The following THSD7A variants were observed in gnomAD, a reference collection of about 807,000 sequenced individuals.
THSD7A encodes the protein thrombospondin type-1 domain-containing protein 7A.
In THSD7A, 96 loss-of-function variants were observed where a neutral mutation model predicts 231.3. The observed-to-expected ratio is 0.41, with a 90% CI of 0.35 to 0.49. The LOEUF is 0.49. Ranked by LOEUF, THSD7A falls within the 20% of genes least tolerant of loss-of-function variation. THSD7A has a pLI of 0.05. For synonymous variants in THSD7A, 940 were observed against 743.3 expected (o/e 1.26, Z -4.30); for missense variants, 2,290 against 2,070.2 (o/e 1.11, Z -2.06).
At chr7:11,784,776 A>G (rs1331046211) in intron 1 of THSD7A, among the ~76,000 whole-genome samples, 10 of 152,098 alleles carry the variant, frequency 6.6e-5, no homozygotes, top group Non-Finnish European at 4.4e-5. Flanking sequence ...CATCTTAGTC[A>G]TGGGAAATTT....
chr7:11,639,623 G>A lies in THSD7A; in HGVS notation c.191-2662C>T, dbSNP rs568798703. 1.4e-4 allele frequency among the ~76,000 whole-genome samples: 21 copies of A among 151,952 alleles called. 1 individual carries two copies. Among genetic ancestry groups the A allele is most frequent in the African/African-American group, 3.1e-4 (13 of 41,424 alleles). On this transcript the variant is annotated intron_variant, in intron 1 of 27. Coordinates refer to ENST00000423059, the MANE Select transcript of THSD7A (RefSeq NM_015204.3). ...GTGGAGGTTGCAGTGAGCCGAGATG[G>A]CACCACTGCACTCCAGCCTGGGCAA...
intron 14 of THSD7A, 54 bp downstream of exon 14, chr7:11,428,893 T>C: frequency 6.5e-7 from 1 of 1,533,846 alleles, no homozygotes; most frequent in South Asian, 1.3e-5. Context: ...GGAGAAAAAA[T>C]CAGATCATTG....
intron 19 of THSD7A, among the ~76,000 whole-genome samples, chr7:11,408,546 G>A (rs114539727): frequency 0.017 from 2,518 of 151,696 alleles, 80 homozygotes; most frequent in African/African-American, 0.057. Context: ...ATAGGAAAAT[G>A]TAAGAGCTTG....
At chr7:11,773,579 A>G (rs1282529515) in intron 1 of THSD7A, among the ~76,000 whole-genome samples, 1 of 152,182 alleles carries the variant, frequency 6.6e-6, no homozygotes, top group Non-Finnish European at 1.5e-5. Context: ...ATTAATAATT[A>G]TGGTGGACAG....
chr7:11,475,935 C>CTT (rs553018024), intron 7 of THSD7A, among the ~76,000 whole-genome samples: 87 of 110,750 alleles, frequency 7.9e-4, no homozygotes, highest in African/African-American at 1.9e-3. Context: ...AAATACTTTC[C>CTT]TTTTTTTTTT....
intron 1 of THSD7A, among the ~76,000 whole-genome samples, chr7:11,761,195 C>T (rs1207307927): frequency 6.6e-6 from 1 of 151,730 alleles, no homozygotes; most frequent in African/African-American, 2.4e-5. Flanking sequence ...AAAGCAAATT[C>T]ATTTTGAAAT....
intron 1 of THSD7A, among the ~76,000 whole-genome samples, chr7:11,674,116 G>T (rs925892110): frequency 6.6e-6 from 1 of 151,974 alleles, no homozygotes; most frequent in Admixed American, 6.6e-5. Flanking sequence ...AGGTAGGGGA[G>T]AGTGAGGCCC....
At chr7:11,739,393 A>C (rs1225731268) in intron 1 of THSD7A, among the ~76,000 whole-genome samples, 1 of 151,988 alleles carries the variant, frequency 6.6e-6, no homozygotes, top group Non-Finnish European at 1.5e-5. Flanking sequence ...AATAGACTAA[A>C]ATAAAGAAAA....
rs534827179 is a variant in THSD7A at position 11,497,794 on chromosome 7, C to A, written c.1823-15812G>T. ...CTTGCATTGGGATTAATCAAGGAAA[C>A]AACCTGACTCACAGAGAGGGAAGAA... On this transcript the variant is annotated intron_variant, in intron 6 of 27. Transcript: ENST00000423059. 1.6e-4 allele frequency among the ~76,000 whole-genome samples: 25 copies of A among 152,168 alleles called. 1 individual carries two copies. The South Asian group carries it at 4.8e-3, about 29-fold the overall frequency.
At chr7:11,385,878 C>A (rs1782720302) in intron 23 of THSD7A, among the ~76,000 whole-genome samples, 1 of 151,980 alleles carries the variant, frequency 6.6e-6, no homozygotes. Context: ...TTACCTCCAC[C>A]CCCTCACAGG....
At position 11,406,181 on chromosome 7, in the gene THSD7A, A is replaced by T. The variant is rs141305645; in HGVS notation, c.4237+119T>A. On this transcript the variant is annotated intron_variant, in intron 22 of 27. Transcript: ENST00000423059. The surrounding 1 kb of genome is among the most constrained non-coding windows in gnomAD (Gnocchi z 4.7). ...GCATAGTGTTGAGCTGTTGGCATAGATATTACTGAATAAGAAGACTGTTGA... is the reference window on the plus strand; with the variant it reads ...GCATAGTGTTGAGCTGTTGGCATAGTTATTACTGAATAAGAAGACTGTTGA... 4.2e-4 allele frequency: 429 copies of T among 1,025,306 alleles called. 2 individuals are homozygous for T. In the African/African-American group the frequency reaches 5.3e-3, roughly 13 times the overall value. The allele number at this position is 1,025,306 out of a possible 1,614,324, so 63.5% of individuals were successfully genotyped here.
intron 23 of THSD7A, chr7:11,385,705 T>A (rs1782711968): frequency 6.6e-6 from 1 of 152,174 alleles, no homozygotes; most frequent in African/African-American, 2.4e-5. Context: ...TTTTGACATC[T>A]ACTTTCATAA....
chr7:11,454,115 T>C (rs1785228991), intron 11 of THSD7A, among the ~76,000 whole-genome samples: 1 of 151,980 alleles, frequency 6.6e-6, no homozygotes, highest in African/African-American at 2.4e-5. Flanking sequence ...TAAAATGAAA[T>C]ATGGCCATAC....
At chr7:11,641,959 T>C (rs923885536) in intron 1 of THSD7A, among the ~76,000 whole-genome samples, 1 of 151,938 alleles carries the variant, frequency 6.6e-6, no homozygotes, top group Non-Finnish European at 1.5e-5. Flanking sequence ...CAAGTACACA[T>C]TGAAAAGAGA....
chr7:11,750,667 C>G lies in THSD7A; in HGVS notation c.190+81090G>C, dbSNP rs993053967. Among the ~76,000 whole-genome samples, 8 of 151,940 alleles carry G rather than the reference C, an allele frequency of 5.3e-5. No homozygotes were observed. In the South Asian group the frequency reaches 1.5e-3, roughly 28 times the overall value. On this transcript the variant is annotated intron_variant, in intron 1 of 27. Transcript: ENST00000423059. ...CTGCACGGGGACTACTGGATGGCCTCAAACTTATATGGCCAGTCTCTACTC... is the reference window on the plus strand; with the variant it reads ...CTGCACGGGGACTACTGGATGGCCTGAAACTTATATGGCCAGTCTCTACTC...
chr7:11,797,543 A>T (rs1784161399), intron 1 of THSD7A, among the ~76,000 whole-genome samples: 1 of 150,926 alleles, frequency 6.6e-6, no homozygotes, highest in African/African-American at 2.4e-5. Flanking sequence ...CAGCCTCCTG[A>T]GTAACTGGGA....
chr7:11,773,404 C>T (rs1783298899), intron 1 of THSD7A, among the ~76,000 whole-genome samples: 1 of 152,026 alleles, frequency 6.6e-6, no homozygotes, highest in African/African-American at 2.4e-5. Flanking sequence ...GGTGGTCATG[C>T]CTGTGACCCC....
intron 16 of THSD7A, among the ~76,000 whole-genome samples, chr7:11,418,460 A>AAGTTACACATGAGAGATAAAGGTTT: frequency 2.6e-5 from 4 of 152,194 alleles, no homozygotes; most frequent in Non-Finnish European, 4.4e-5. Context: ...GAAAACCTTT[A>AAGTTACACATGAGAGATAAAGGTTT]TCTCTCATGT....
intron 4 of THSD7A, among the ~76,000 whole-genome samples, chr7:11,572,989 C>T (rs1790713378): frequency 1.3e-5 from 2 of 152,104 alleles, no homozygotes; most frequent in South Asian, 4.1e-4. Flanking sequence ...TTTGTTCTGT[C>T]AAACAGTTTA....
Sources: gnomAD v4.1 joint callset for allele counts (sites outside exome capture counted in the v4.1 genomes callset) on GRCh38, gnomAD v4.1.1 for gene constraint, Gnocchi (gnomAD v3.1) non-coding constraint, MANE v1.5 for transcripts, NCBI Gene and HGNC (gene_info 2026-07-23, HGNC 2026-07-21) for gene names.